The following CUL5 variants were observed in gnomAD, a reference collection of about 807,000 sequenced individuals.
The protein encoded by CUL5 is cullin 5.
Under a neutral mutation model 108.8 loss-of-function variants are expected in CUL5, and 26 were observed. The observed-to-expected ratio is 0.24, with a 90% CI of 0.18 to 0.33. The LOEUF (loss-of-function observed/expected upper bound fraction) is 0.33. CUL5 is among the 10% of genes least tolerant of loss of function. The pLI is 1.00. For missense variants in CUL5, 524 were observed against 909.2 expected (o/e 0.58, Z 5.45); for synonymous variants, 334 against 298.0 (o/e 1.12, Z -1.25).
chr11:108,087,889 C>T (rs543617365), intron 11 of CUL5, among the ~76,000 whole-genome samples: 69 of 151,992 alleles, frequency 4.5e-4, no homozygotes, highest in African/African-American at 1.6e-3. Flanking sequence ...CGCTTGAACC[C>T]GAGAGGCAGA....
At chr11:108,046,414 G>T in intron 3 of CUL5, 45 bp downstream of exon 3, 1 of 1,064,782 alleles carries the variant, frequency 9.4e-7, no homozygotes. Flanking sequence ...AAACTACTCA[G>T]ATAATATCAT....
rs1483024993 is a variant in CUL5 at position 108,105,081 on chromosome 11, T to TA, written c.*700dup. ...AAATGATGAGGAGTTTTTTTTTTTT[T>TA]AAATATGGCTGGAAAGCTTGTTTTG... On this transcript the variant is annotated 3_prime_UTR_variant, in exon 19 of 19. Coordinates refer to ENST00000393094, the MANE Select transcript of CUL5 (RefSeq NM_003478.6). 2 of 152,274 alleles carry TA rather than the reference T, an allele frequency of 1.3e-5. No homozygotes were observed. Among genetic ancestry groups the TA allele is most frequent in the African/African-American group, 2.4e-5 (1 of 41,394 alleles). The allele number at this position is 152,274 out of a possible 1,614,324, so 9.4% of individuals were successfully genotyped here. A position where few individuals can be genotyped will look rare whatever the true frequency, so the allele number is the denominator to read the frequency against.
intron 11 of CUL5, among the ~76,000 whole-genome samples, chr11:108,079,441 C>A (rs534602254): frequency 6.6e-6 from 1 of 152,136 alleles, no homozygotes; most frequent in Non-Finnish European, 1.5e-5. Context: ...TTCAAACTTA[C>A]AATAGAGTTA....
rs530853874 is a variant in CUL5 at position 108,097,275 on chromosome 11, C to T, written c.1906-361C>T. Among the ~76,000 whole-genome samples, 3 of 152,324 alleles carry T rather than the reference C, an allele frequency of 2.0e-5. No homozygotes were observed. In the East Asian group the frequency reaches 5.8e-4, roughly 29 times the overall value. ...AAGTAATCTGCCTGCCTCAGCTTCC[C>T]AAAGTGCTGGAATTACAGGCGTGAG... On this transcript the variant is annotated intron_variant, in intron 16 of 18. Transcript: ENST00000393094.
intron 10 of CUL5, among the ~76,000 whole-genome samples, chr11:108,075,733 C>G (rs770899204): frequency 6.6e-6 from 1 of 152,108 alleles, no homozygotes; most frequent in Non-Finnish European, 1.5e-5. Context: ...GAGACAACAT[C>G]TAGCTATGTT....
intron 7 of CUL5, among the ~76,000 whole-genome samples, chr11:108,055,427 T>A (rs985453292): frequency 6.6e-6 from 1 of 152,094 alleles, no homozygotes; most frequent in African/African-American, 2.4e-5. Context: ...TGTTTCAAAC[T>A]TCATTTGTCA....
intron 1 of CUL5, among the ~76,000 whole-genome samples, chr11:108,017,139 A>G (rs1470902893): frequency 6.6e-6 from 1 of 152,186 alleles, no homozygotes; most frequent in Non-Finnish European, 1.5e-5. Context: ...CTGTAATCCA[A>G]GCACTTTGGG....
intron 1 of CUL5, 35 bp downstream of exon 1, chr11:108,009,407 T>C: frequency 6.2e-7 from 1 of 1,612,358 alleles, no homozygotes; most frequent in African/African-American, 1.3e-5. Context: ...TTTTACTGTG[T>C]GGCCGCCGGG....
chr11:108,032,144 TC>T (rs1341777405), intron 1 of CUL5, among the ~76,000 whole-genome samples: 1 of 152,150 alleles, frequency 6.6e-6, no homozygotes, highest in Non-Finnish European at 1.5e-5. Context: ...AACCTGCACA[TC>T]CTACACATGT....
intron 12 of CUL5, 29 bp downstream of exon 12, chr11:108,088,688 T>TA: frequency 6.5e-7 from 1 of 1,533,810 alleles, no homozygotes; most frequent in Non-Finnish European, 8.8e-7. Context: ...TTTCAACTTT[T>TA]AAAATTACCT....
At chr11:108,010,041 C>G (rs1243560225) in intron 1 of CUL5, among the ~76,000 whole-genome samples, 1 of 152,204 alleles carries the variant, frequency 6.6e-6, no homozygotes, top group East Asian at 1.9e-4. Context: ...GTTACCTTGT[C>G]AAAGACAGTA....
chr11:108,098,591 T>TTTA, intron 18 of CUL5, 62 bp downstream of exon 18: 4 of 994,564 alleles, frequency 4.0e-6, no homozygotes, highest in South Asian at 2.3e-5. Flanking sequence ...TTTTTTTTTT[T>TTTA]AAATTTTGAA....
At chr11:108,101,339 T>A (rs1377128770) in intron 18 of CUL5, among the ~76,000 whole-genome samples, 1 of 152,262 alleles carries the variant, frequency 6.6e-6, no homozygotes, top group Non-Finnish European at 1.5e-5. Context: ...TTTTGGCAGC[T>A]ATGAAGTAGT....
At chr11:108,058,470 G>C (rs961662107) in intron 7 of CUL5, among the ~76,000 whole-genome samples, 20 of 151,462 alleles carry the variant, frequency 1.3e-4, no homozygotes, top group African/African-American at 4.6e-4. Context: ...GGATGGTCTT[G>C]ATCTCCTGAC....
rs200991204 is a variant in CUL5, at chr11:108,048,648, C to CTTTTTTTTT, written c.235-1214_235-1206dup. Among the ~76,000 whole-genome samples the CTTTTTTTTT allele has an allele frequency of 3.5e-4, 41 of 116,854 alleles. 3 individuals carry two copies. Among genetic ancestry groups the CTTTTTTTTT allele is most frequent in the African/African-American group, 1.2e-3 (32 of 25,846 alleles). The allele number at this position is 116,854 out of a possible 152,430, so 76.7% of individuals were successfully genotyped here. On this transcript the variant is annotated intron_variant, in intron 3 of 18. Coordinates refer to ENST00000393094, the MANE Select transcript of CUL5 (RefSeq NM_003478.6). ...ATAGTGGGGAAATAGACTCCACCAC[C>CTTTTTTTTT]TTTTTTTTTTTTTTTTTTTTTTTTT...
chr11:108,071,198 A>G (rs1429551660), intron 8 of CUL5, among the ~76,000 whole-genome samples: 1 of 152,220 alleles, frequency 6.6e-6, no homozygotes, highest in South Asian at 2.1e-4. Context: ...TAGTATTACA[A>G]CTACCTTATG....
At chr11:108,048,892 C>T (rs547538787) in intron 3 of CUL5, among the ~76,000 whole-genome samples, 4 of 151,998 alleles carry the variant, frequency 2.6e-5, no homozygotes, top group Non-Finnish European at 4.4e-5. Context: ...GTCTCAAACT[C>T]ATGACCTCGT....
chr11:108,022,986 C>T (rs1341529419), intron 1 of CUL5, among the ~76,000 whole-genome samples: 4 of 152,214 alleles, frequency 2.6e-5, no homozygotes, highest in South Asian at 2.1e-4. Flanking sequence ...TGGTGGCTCA[C>T]GCCTGTAATC....
At position 108,104,199 on chromosome 11, in the gene CUL5, A is replaced by G; in HGVS notation, c.2158A>G (p.Ile720Val). The part of the protein sequence containing the change: ...LRILRTQEAI[I>V]QIMKMRKKIS... ...TTATTTTTTCTTTTAGGAAGCTATC[A>G]TACAAATAATGAAAATGAGAAAGAA... is the stretch of plus-strand genomic sequence containing the variant. Residue 720 changes from isoleucine to valine, a missense_variant, in exon 19 of 19, where the codon ATA becomes GTA. This residue lies in a region of CUL5 where 66 missense variants were observed against 81.4 expected (regional missense o/e 0.81). Coordinates refer to ENST00000393094, the MANE Select transcript of CUL5 (RefSeq NM_003478.6). 1 of 1,565,856 alleles carries G rather than the reference A, an allele frequency of 6.4e-7. No homozygotes were observed. The highest frequency in any genetic ancestry group is 8.6e-7 in the Non-Finnish European group (1 of 1,156,402).
Sources: allele counts gnomAD v4.1 joint callset (sites outside exome capture counted in the v4.1 genomes callset), GRCh38; gene constraint gnomAD v4.1.1; regional missense constraint gnomAD v4.1.1; transcripts MANE v1.5; gene names NCBI Gene and HGNC (gene_info 2026-07-23, HGNC 2026-07-21).